The following LCN12 variants were observed in gnomAD, a reference collection of about 807,000 sequenced individuals.
LCN12 encodes lipocalin 12.
In LCN12, 15 loss-of-function variants were observed where a neutral mutation model predicts 23.7. The ratio of observed to expected loss-of-function variants is 0.63; its 90% CI spans 0.42 to 0.97. The LOEUF is 0.97. Ranked by LOEUF, LCN12 falls within the 50% of genes least tolerant of loss-of-function variation. The pLI, the probability that LCN12 is intolerant of heterozygous loss-of-function variation, is 0.00. For synonymous variants in LCN12, 116 were observed against 111.5 expected, an observed-to-expected ratio of 1.04 and a Z score of -0.25; for missense variants, 219 against 249.6, an observed-to-expected ratio of 0.88 and a Z score of 0.83.
In LCN12 at chr9:136,954,536, C is replaced by T. The variant is rs7041368; in HGVS notation, c.550+281C>T. ...AGGTCCCCTGTCCCGGGCCACCTCCCCCTGCCCCTCCCGCCCCAGGTCCCC... is the reference window on the plus strand; with the variant it reads ...AGGTCCCCTGTCCCGGGCCACCTCCTCCTGCCCCTCCCGCCCCAGGTCCCC... On this transcript the variant is annotated intron_variant, in intron 5 of 5. Transcript: ENST00000371633. The T allele has an allele frequency of 1.9e-3, 893 of 460,766 alleles. 9 individuals are homozygous for T. The highest frequency in any genetic ancestry group is 0.017 in the African/African-American group (804 of 48,498). The allele number at this position is 460,766 out of a possible 1,614,324, so 28.5% of individuals were successfully genotyped here.
At chr9:136,954,602 G>T (rs554884984) in intron 5 of LCN12, 1 of 676,628 alleles carries the variant, frequency 1.5e-6, no homozygotes, top group South Asian at 1.5e-5. Flanking sequence ...CTCCTGTCCT[G>T]GGCTACCTCC....
chr9:136,953,574 C>A (rs1851228534), intron 2 of LCN12, 126 bp from the exon 3 acceptor site: 2 of 640,700 alleles, frequency 3.1e-6, no homozygotes, highest in Non-Finnish European at 2.7e-6. Flanking sequence ...CATCTCCACT[C>A]ATGACGCTTG....
At chr9:136,950,449 C>T (rs1312434890), upstream of LCN12, among the ~76,000 whole-genome samples, 1 of 152,154 alleles carries the variant, frequency 6.6e-6, no homozygotes, top group Non-Finnish European at 1.5e-5. Context: ...CTGTGGGTCT[C>T]GGGCTGGCCA....
chr9:136,954,773 A>C (rs984484609), intron 5 of LCN12: 42 of 1,290,820 alleles, frequency 3.3e-5, no homozygotes, highest in Non-Finnish European at 4.1e-5. Context: ...CCCCAGCCTG[A>C]CCACTCAGAC....
chr9:136,951,628 C>T (rs1159569543), upstream of LCN12, among the ~76,000 whole-genome samples: 4 of 152,246 alleles, frequency 2.6e-5, no homozygotes, highest in Non-Finnish European at 5.9e-5. Context: ...AGCCCTGCCC[C>T]TCCCTCTGGG....
chr9:136,953,919 C>G lies in LCN12; in HGVS notation c.403C>G (p.Arg135Gly), dbSNP rs749653184. 17 of 1,611,498 alleles carry G rather than the reference C, an allele frequency of 1.1e-5. No homozygotes were observed. The highest frequency in any genetic ancestry group is 1.4e-5 in the Non-Finnish European group (17 of 1,179,792). ...CACCCAGTTCGCCCTGATGCTGTCC[C>G]GCAGACACACGAGCAGGCTGGCCGT... The part of the protein sequence containing the change: ...DYTQFALMLS[R>G]RHTSRLAVLR... Residue 135 changes from arginine (R) to glycine (G), a missense_variant, in exon 4 of 6, where the codon CGC (arginine) becomes GGC (glycine). Transcript: ENST00000371633.
upstream of LCN12, among the ~76,000 whole-genome samples, chr9:136,950,411 G>C (rs562780989): frequency 2.1e-4 from 32 of 152,246 alleles, no homozygotes; most frequent in South Asian, 6.0e-3. Flanking sequence ...TCGAGGACTC[G>C]GCCCACCCGA....
Position 136,955,452 on chromosome 9 carries a change from C to T in LCN12, c.*53C>T. On this transcript the variant is annotated 3_prime_UTR_variant, in exon 6 of 6. Transcript: ENST00000371633. ...GCCCTGCCTCACAGCTGTGCGAGCT[C>T]TGCCCTCCTCAGCTCTCAAACCTGA... 6.5e-7 allele frequency: 1 copy of T among 1,549,752 alleles called. No individual in the cohort carries two copies. The highest frequency in any genetic ancestry group is 8.9e-7 in the Non-Finnish European group (1 of 1,123,530).
At position 136,953,864 on chromosome 9, in the gene LCN12, A is replaced by C. The variant is rs1851240143; in HGVS notation, c.348A>C (p.Arg116Ser). The C allele has an allele frequency of 6.2e-7, 1 of 1,603,202 alleles. No homozygotes were observed. Residue 116 changes from arginine to serine, a missense_variant, in exon 4 of 6, where the codon AGA (arginine) becomes AGC (serine). By Grantham distance (110) the Arg-to-Ser change is moderately radical. Transcript: ENST00000371633. ...CCGCCTCAGAGCCCGGGGCGGACAG[A>C]GAGGAGACCCGGGTGGTGGACAGCG... ...VDHGVEPGADREETRVVDSDY... is the reference protein window; with the variant it reads ...VDHGVEPGADSEETRVVDSDY...
chr9:136,955,730 C>T (rs1431446433), downstream of LCN12, among the ~76,000 whole-genome samples: 1 of 152,264 alleles, frequency 6.6e-6, no homozygotes, highest in Non-Finnish European at 1.5e-5. Context: ...GCCAAGGCCC[C>T]TCCATCCCTG....
At chr9:136,954,666 C>T (rs1851278640) in intron 5 of LCN12, 5 of 1,250,784 alleles carry the variant, frequency 4.0e-6, no homozygotes, top group Non-Finnish European at 5.2e-6. Flanking sequence ...GTCCCCTGTC[C>T]TGGGCCACCT....
rs1851257111 is a variant in LCN12, at chr9:136,954,261, A to G, written c.550+6A>G. ...CGTCTTCCCAGATGTGACTGGTAACATGGTTCACCTGCAGGCATGCTGGGC... is the reference window on the plus strand; with the variant it reads ...CGTCTTCCCAGATGTGACTGGTAACGTGGTTCACCTGCAGGCATGCTGGGC... On this transcript the variant is annotated splice_donor_region_variant and intron_variant, in intron 5 of 5. Coordinates refer to ENST00000371633, the MANE Select transcript of LCN12 (RefSeq NM_178536.4). The G allele has an allele frequency of 4.5e-6, 7 of 1,561,868 alleles. No homozygotes were observed. Among genetic ancestry groups the G allele is most frequent in the South Asian group, 2.4e-5 (2 of 84,794 alleles).
At chr9:136,953,149 C>T (rs1851207143) in intron 2 of LCN12, 121 bp downstream of exon 2, 3 of 1,358,600 alleles carry the variant, frequency 2.2e-6, no homozygotes, top group Non-Finnish European at 3.0e-6. Flanking sequence ...ATGACTCTGC[C>T]TGCCAATGAC....
intron 5 of LCN12, 176 bp downstream of exon 5, chr9:136,954,431 T>C: frequency 2.5e-6 from 2 of 797,504 alleles, no homozygotes; most frequent in Non-Finnish European, 2.1e-6. Flanking sequence ...CTGAGCCACC[T>C]CCTGCCGCCC....
upstream of LCN12, among the ~76,000 whole-genome samples, chr9:136,950,233 T>C (rs1851119232): frequency 6.6e-6 from 1 of 152,150 alleles, no homozygotes; most frequent in African/African-American, 2.4e-5. Context: ...GAACCCATTG[T>C]CGTGTCCGGG....
chr9:136,954,789 C>G, intron 5 of LCN12: 1 of 1,290,382 alleles, frequency 7.7e-7, no homozygotes, highest in South Asian at 1.2e-5. Context: ...CAGACAGCCG[C>G]GGCCCCCAAG....
At chr9:136,953,826 T>C (rs2271868) in intron 3 of LCN12, 22 bp from the exon 4 acceptor site, 739,082 of 1,594,590 alleles carry the variant, frequency 0.46, 177,867 homozygotes, top group East Asian at 0.84. Context: ...CCCACAGGGA[T>C]GTGACGTCTG....
chr9:136,955,629 G>A (rs1350647079), downstream of LCN12: 70 of 523,274 alleles, frequency 1.3e-4, no homozygotes, highest in East Asian at 2.1e-3. Context: ...TCTCTGGCCA[G>A]TGTGTGTGAC....
chr9:136,951,663 A>G (rs1306983319), upstream of LCN12, among the ~76,000 whole-genome samples: 2 of 152,210 alleles, frequency 1.3e-5, no homozygotes, highest in Non-Finnish European at 2.9e-5. Context: ...AAAATGCCCC[A>G]GCTGTCCTCA....
Sources: gnomAD v4.1 joint callset for allele counts (sites outside exome capture counted in the v4.1 genomes callset) on GRCh38, gnomAD v4.1.1 for gene constraint, MANE v1.5 for transcripts, NCBI Gene and HGNC (gene_info 2026-07-23, HGNC 2026-07-21) for gene names.